TMTC2: variants seen among roughly 807,000 people sequenced by gnomAD.
The protein encoded by TMTC2 is transmembrane O-mannosyltransferase targeting cadherins 2.
Under a neutral mutation model 82.4 loss-of-function variants are expected in TMTC2, and 43 were observed. The observed-to-expected ratio is 0.52, with a 90% confidence interval of 0.41 to 0.67. The LOEUF (loss-of-function observed/expected upper bound fraction) is 0.67, where lower values mean the gene tolerates loss of function less well. TMTC2 is among the 30% of genes least tolerant of loss of function. TMTC2 has a pLI of 0.00. For missense variants in TMTC2, 919 were observed against 1,012.4 expected (o/e 0.91, Z 1.25); for synonymous variants, 408 against 381.9 (o/e 1.07, Z -0.80).
chr12:82,859,825 G>A (rs986560804), intron 2 of TMTC2, among the ~76,000 whole-genome samples: 2 of 152,160 alleles, frequency 1.3e-5, no homozygotes, highest in Non-Finnish European at 2.9e-5. Flanking sequence ...GCAGGGCTAG[G>A]CAATGGCAGC....
chr12:83,061,542 A>C (rs1466127956), intron 10 of TMTC2, among the ~76,000 whole-genome samples: 1 of 151,738 alleles, frequency 6.6e-6, no homozygotes, highest in Non-Finnish European at 1.5e-5. Flanking sequence ...TAAATGTGAA[A>C]TAACACCCGC....
chr12:83,058,454 C>G lies in TMTC2; in HGVS notation c.2268-3314C>G, dbSNP rs2137467780. 2.6e-5 allele frequency among the ~76,000 whole-genome samples: 4 copies of G among 151,896 alleles called. No homozygotes were observed. The East Asian group carries it at 7.8e-4, about 29-fold the overall frequency. ...TTCTTCTTCCTTACCCTTCCTGGCC[C>G]TGAGAGACCAGAGGTAATGTGAAGA... On this transcript the variant is annotated intron_variant, in intron 10 of 11. Coordinates refer to ENST00000321196, the MANE Select transcript of TMTC2 (RefSeq NM_152588.3).
intron 11 of TMTC2, among the ~76,000 whole-genome samples, chr12:83,112,840 A>G (rs1884639168): frequency 1.3e-5 from 2 of 152,316 alleles, no homozygotes; most frequent in South Asian, 2.1e-4. Flanking sequence ...TTCATTGCCA[A>G]TACAAAAGTA....
intron 7 of TMTC2, among the ~76,000 whole-genome samples, chr12:82,972,896 G>T (rs530632530): frequency 7.2e-5 from 11 of 152,270 alleles, no homozygotes; most frequent in African/African-American, 2.6e-4. Context: ...GTGTGTGTAT[G>T]TGCATGTGTG....
At chr12:83,019,158 TA>T (rs11293297) in intron 8 of TMTC2, among the ~76,000 whole-genome samples, 141,946 of 151,720 alleles carry the variant, frequency 0.94, 66,762 homozygotes, top group East Asian at 1. Flanking sequence ...TAAACTAAAC[TA>T]AAAAAAAAAA....
At chr12:83,023,560 A>T (rs1484601634) in intron 8 of TMTC2, among the ~76,000 whole-genome samples, 1 of 152,216 alleles carries the variant, frequency 6.6e-6, no homozygotes, top group African/African-American at 2.4e-5. Context: ...TGTCCTGGCC[A>T]TCTGATCTGA....
chr12:82,782,826 A>T (rs1877973769), intron 1 of TMTC2, among the ~76,000 whole-genome samples: 2 of 152,082 alleles, frequency 1.3e-5, no homozygotes, highest in South Asian at 4.1e-4. Context: ...GTTACTTCTA[A>T]GTAGCCTCTT....
intron 3 of TMTC2, among the ~76,000 whole-genome samples, chr12:82,908,824 ATTTCT>A (rs893729718): frequency 2.0e-5 from 3 of 151,864 alleles, no homozygotes; most frequent in African/African-American, 7.3e-5. Context: ...TGTTGATTTA[ATTTCT>A]TTCATAGTTT....
intron 1 of TMTC2, among the ~76,000 whole-genome samples, chr12:82,837,117 C>T (rs1423091993): frequency 6.6e-6 from 1 of 152,150 alleles, no homozygotes; most frequent in African/African-American, 2.4e-5. Context: ...ATTCTTGGAG[C>T]CTCTCATTGA....
At chr12:82,867,134 G>A (rs778177680) in intron 2 of TMTC2, among the ~76,000 whole-genome samples, 1 of 152,172 alleles carries the variant, frequency 6.6e-6, no homozygotes, top group Non-Finnish European at 1.5e-5. Context: ...CAATGCTGCA[G>A]TACCCAGATG....
At chr12:82,941,728 G>C (rs1876730992) in intron 4 of TMTC2, among the ~76,000 whole-genome samples, 1 of 152,090 alleles carries the variant, frequency 6.6e-6, no homozygotes, top group Non-Finnish European at 1.5e-5. Context: ...TATACCTACT[G>C]ATGTGGGATA....
chr12:83,054,679 G>C (rs1179911525), intron 10 of TMTC2, among the ~76,000 whole-genome samples: 2 of 150,524 alleles, frequency 1.3e-5, no homozygotes, highest in Non-Finnish European at 3.0e-5. Flanking sequence ...CTGTATATTT[G>C]TGCATGTAGT....
chr12:82,807,659 G>A (rs1879306840), intron 1 of TMTC2, among the ~76,000 whole-genome samples: 1 of 152,056 alleles, frequency 6.6e-6, no homozygotes, highest in South Asian at 2.1e-4. Context: ...GAATGAGGAA[G>A]CATCATGTGA....
chr12:83,014,131 A>G (rs1207868511), intron 8 of TMTC2, among the ~76,000 whole-genome samples: 1 of 152,164 alleles, frequency 6.6e-6, no homozygotes, highest in Non-Finnish European at 1.5e-5. Context: ...TTATTTGTGT[A>G]GAAGCATTAT....
intron 1 of TMTC2, among the ~76,000 whole-genome samples, chr12:82,827,838 T>C (rs1254796629): frequency 6.6e-6 from 1 of 151,848 alleles, no homozygotes; most frequent in Non-Finnish European, 1.5e-5. Context: ...GTTCGGACTA[T>C]GGATGCCTGC....
At chr12:82,937,786 A>ATG (rs1876453719) in intron 4 of TMTC2, among the ~76,000 whole-genome samples, 2 of 23,150 alleles carry the variant, frequency 8.6e-5, no homozygotes, top group Non-Finnish European at 2.0e-4. Flanking sequence ...ATATATATAT[A>ATG]TATATATATA....
At chr12:83,082,798 C>G (rs1373607369) in intron 11 of TMTC2, among the ~76,000 whole-genome samples, 1 of 152,160 alleles carries the variant, frequency 6.6e-6, no homozygotes, top group Non-Finnish European at 1.5e-5. Context: ...ACATGTGGAG[C>G]ACATAGGATT....
At chr12:83,086,214 C>T (rs929171686) in intron 11 of TMTC2, among the ~76,000 whole-genome samples, 12 of 152,186 alleles carry the variant, frequency 7.9e-5, no homozygotes, top group African/African-American at 2.2e-4. Flanking sequence ...GACAGTGGGG[C>T]GGCCAGGCAG....
chr12:82,815,115 G>A (rs1334181847), intron 1 of TMTC2, among the ~76,000 whole-genome samples: 1 of 151,338 alleles, frequency 6.6e-6, no homozygotes, highest in Non-Finnish European at 1.5e-5. Context: ...TAAGGACTTT[G>A]TGTACAGTTT....
Sources: allele counts gnomAD v4.1 joint callset (sites outside exome capture counted in the v4.1 genomes callset), GRCh38; gene constraint gnomAD v4.1.1; transcripts MANE v1.5; gene names NCBI Gene and HGNC (gene_info 2026-07-23, HGNC 2026-07-21).